Variants in ZNF831 observed in about 807,000 individuals in gnomAD.
ZNF831 encodes zinc finger protein 831, also known as chromosome 20 open reading frame 174.
ZNF831 carries 59 observed loss-of-function variants against 95.8 expected under a neutral mutation model. That is an observed-to-expected ratio of 0.62 (90% CI 0.50 to 0.77). The LOEUF is 0.77. Ranked by LOEUF, ZNF831 falls within the 30% of genes least tolerant of loss-of-function variation. The probability of loss-of-function intolerance (pLI) is 0.00; values close to 1 mark genes in which losing one functional copy is unlikely to be tolerated. For missense variants in ZNF831, 2,205 were observed against 2,164.0 expected, an observed-to-expected ratio of 1.02 and a Z score of -0.38; for synonymous variants, 961 against 925.5, an observed-to-expected ratio of 1.04 and a Z score of -0.70.
At position 59,153,900 on chromosome 20, in the gene ZNF831, A is replaced by C. The variant is rs74969045; in HGVS notation, c.-1280-5752A>C. 4.7e-3 allele frequency among the ~76,000 whole-genome samples: 714 copies of C among 152,294 alleles called. 6 individuals carry two copies. The highest frequency in any genetic ancestry group is 0.016 in the African/African-American group (675 of 41,554). On this transcript the variant is annotated intron_variant, in intron 2 of 7. Coordinates refer to the ZNF831 transcript ENST00000637017. The stretch of plus-strand genomic sequence containing the variant: ...TCAAGGAGCACATGGTCTGATGAGA[A>C]AGCCTGACGTATAAACCAGTCATTA...
intron 1 of ZNF831, among the ~76,000 whole-genome samples, chr20:59,183,609 G>A (rs767428928): frequency 5.9e-5 from 9 of 152,132 alleles, no homozygotes; most frequent in South Asian, 2.1e-4. Flanking sequence ...TGGCCCCCTC[G>A]TTCCTGCAGT....
chr20:59,240,780 C>G (rs1188152101), intron 4 of ZNF831, among the ~76,000 whole-genome samples: 2 of 151,848 alleles, frequency 1.3e-5, no homozygotes, highest in Non-Finnish European at 2.9e-5. Context: ...CCAGCCTGGG[C>G]GACAGAGCGA....
intron 1 of ZNF831, among the ~76,000 whole-genome samples, chr20:59,136,733 C>T (rs1979523299): frequency 6.6e-6 from 1 of 152,206 alleles, no homozygotes; most frequent in African/African-American, 2.4e-5. Flanking sequence ...TTCTGTAAGG[C>T]AACATAGCAG....
chr20:59,124,406 T>A (rs965743118), intron 1 of ZNF831, among the ~76,000 whole-genome samples: 1 of 152,212 alleles, frequency 6.6e-6, no homozygotes, highest in African/African-American at 2.4e-5. Context: ...CAGTGCCACA[T>A]AAGGTTTGTT....
chr20:59,128,313 C>T (rs556833091), intron 1 of ZNF831, among the ~76,000 whole-genome samples: 1 of 152,218 alleles, frequency 6.6e-6, no homozygotes, highest in Non-Finnish European at 1.5e-5. Flanking sequence ...AGCGTGCATA[C>T]TCCTGTCCCT....
chr20:59,138,299 C>T (rs1979574422), intron 1 of ZNF831, among the ~76,000 whole-genome samples: 1 of 152,172 alleles, frequency 6.6e-6, no homozygotes, highest in African/African-American at 2.4e-5. Context: ...GCTTCTGGGG[C>T]ATGACTGGGC....
chr20:59,127,878 G>C (rs990529664), intron 1 of ZNF831, among the ~76,000 whole-genome samples: 25 of 152,362 alleles, frequency 1.6e-4, no homozygotes, highest in African/African-American at 4.8e-4. Context: ...TGGAGAGGAT[G>C]CAGAGTGGAG....
At chr20:59,189,542 C>T (rs531354266) in intron 1 of ZNF831, among the ~76,000 whole-genome samples, 2 of 152,174 alleles carry the variant, frequency 1.3e-5, no homozygotes, top group African/African-American at 4.8e-5. Context: ...GACAGAGTTT[C>T]ACTTTCTCAC....
chr20:59,167,878 GAA>G (rs1004471694), intron 1 of ZNF831, among the ~76,000 whole-genome samples: 1 of 149,166 alleles, frequency 6.7e-6, no homozygotes, highest in African/African-American at 2.5e-5. Context: ...CATCTCAAAA[GAA>G]AAAAAAATCA....
At chr20:59,220,300 C>CA (rs1985994039) in intron 4 of ZNF831, among the ~76,000 whole-genome samples, 1 of 152,210 alleles carries the variant, frequency 6.6e-6, no homozygotes, top group Non-Finnish European at 1.5e-5. Flanking sequence ...AGGCAAGACT[C>CA]ACTCTCAACA....
intron 3 of ZNF831, among the ~76,000 whole-genome samples, chr20:59,196,916 A>G (rs1192836488): frequency 1.3e-5 from 2 of 150,424 alleles, no homozygotes. Flanking sequence ...AGCTGGGATT[A>G]CAGGCATGGG....
At chr20:59,235,688 G>A (rs1195259096) in intron 4 of ZNF831, among the ~76,000 whole-genome samples, 1 of 151,954 alleles carries the variant, frequency 6.6e-6, no homozygotes, top group Non-Finnish European at 1.5e-5. Context: ...ATAAAAAAAA[G>A]AAAAAAGAAC....
intron 4 of ZNF831, among the ~76,000 whole-genome samples, chr20:59,211,902 C>T (rs918962691): frequency 6.6e-6 from 1 of 151,868 alleles, no homozygotes; most frequent in Middle Eastern, 3.2e-3. Flanking sequence ...TTTTGGGTGA[C>T]CCAAAGGGCT....
rs1157060243 is a variant in ZNF831 at position 59,195,888 on chromosome 20, C to T, written c.3758C>T (p.Pro1253Leu). 1 of 1,613,990 alleles carries T rather than the reference C, an allele frequency of 6.2e-7. No homozygotes were observed. The highest frequency in any genetic ancestry group is 1.7e-5 in the Admixed American group (1 of 59,994). The change falls in exon 3 of 6, where the codon CCA becomes CTA. Residue 1253 changes from proline (P) to leucine (L), a missense_variant. Physicochemically the swap from Pro to Leu is moderately conservative, Grantham distance 98. Coordinates refer to ENST00000371030, the MANE Select transcript of ZNF831 (RefSeq NM_178457.3). ...QMSKFSYPTV[P>L]GVMPQHQVSE... ...TTTCAGTTCTCCTACCCAACAGTCC[C>T]AGGGGTGATGCCCCAGCACCAGGTG...
At chr20:59,220,579 G>C (rs1327468079) in intron 4 of ZNF831, among the ~76,000 whole-genome samples, 5 of 152,208 alleles carry the variant, frequency 3.3e-5, no homozygotes, top group African/African-American at 4.8e-5. Flanking sequence ...AGAAAGTCTT[G>C]TTTTGATTCC....
intron 4 of ZNF831, among the ~76,000 whole-genome samples, chr20:59,213,229 T>C (rs1263245677): frequency 6.6e-6 from 1 of 152,236 alleles, no homozygotes; most frequent in Non-Finnish European, 1.5e-5. Flanking sequence ...AATACTTGAC[T>C]ACGTTTTGTT....
chr20:59,229,836 G>C (rs1054424112), intron 4 of ZNF831, among the ~76,000 whole-genome samples: 1 of 152,122 alleles, frequency 6.6e-6, no homozygotes, highest in Non-Finnish European at 1.5e-5. Flanking sequence ...GCCCTAAGGG[G>C]TATGCCTTTC....
rs2146594894 is a variant in ZNF831 at position 59,194,147 on chromosome 20, C to T, written c.3128C>T (p.Ser1043Leu). 4 of 1,574,518 alleles carry T rather than the reference C, an allele frequency of 2.5e-6. No individual in the cohort carries two copies. Among genetic ancestry groups the T allele is most frequent in the Non-Finnish European group, 3.5e-6 (4 of 1,159,024 alleles). Residue 1043 changes from serine (S) to leucine (L), a missense_variant, in exon 2 of 6, where the codon TCA becomes TTA. Coordinates refer to ENST00000371030, the MANE Select transcript of ZNF831 (RefSeq NM_178457.3). ...CCAGCAGCCAGGGAGTTGCCCATCT[C>T]AGCACCAGGGGCTCCCAGGGAGGCT... ...SRPAARELPI[S>L]APGAPREATS...
intron 4 of ZNF831, among the ~76,000 whole-genome samples, chr20:59,247,422 C>T (rs146943281): frequency 1.3e-5 from 2 of 151,726 alleles, no homozygotes; most frequent in East Asian, 3.9e-4. Context: ...GAACAAATGC[C>T]CTGTGTTTAG....
Sources: gnomAD v4.1 joint callset for allele counts (sites outside exome capture counted in the v4.1 genomes callset) on GRCh38, gnomAD v4.1.1 for gene constraint, MANE v1.5 for transcripts, NCBI Gene and HGNC (gene_info 2026-07-23, HGNC 2026-07-21) for gene names.